The following ADAM11 variants were observed in gnomAD, a reference collection of about 807,000 sequenced individuals.
ADAM11 encodes disintegrin and metalloproteinase domain-containing protein 11.
A neutral mutation model predicts 119.1 loss-of-function variants in ADAM11; 49 were observed. That is an observed-to-expected ratio of 0.41 (90% confidence interval 0.33 to 0.52). ADAM11 has a LOEUF of 0.52. Ranked by LOEUF, ADAM11 falls within the 20% of genes least tolerant of loss-of-function variation. The pLI, the probability that ADAM11 is intolerant of heterozygous loss-of-function variation, is 0.20. For missense variants in ADAM11, 777 were observed against 1,047.5 expected (o/e 0.74, Z 3.56); for synonymous variants, 364 against 408.0 (o/e 0.89, Z 1.30).
rs1295613216 is a variant in ADAM11, at chr17:44,780,935, C to T, written c.*1181C>T. On this transcript the variant is annotated 3_prime_UTR_variant, in exon 27 of 27. Transcript: ENST00000200557. ...CCCACCCATCCCTGCTGCAGCGAGC[C>T]TGAGAGCCAGGTAGAGCCAGGCACA... 6.5e-6 allele frequency: 1 copy of T among 152,768 alleles called. No individual in the cohort carries two copies. The highest frequency in any genetic ancestry group is 1.9e-4 in the East Asian group (1 of 5,182). The allele number at this position is 152,768 out of a possible 1,614,324, so 9.5% of individuals were successfully genotyped here.
chr17:44,763,465 C>G (rs1259643021), intron 2 of ADAM11, among the ~76,000 whole-genome samples: 1 of 152,240 alleles, frequency 6.6e-6, no homozygotes, highest in East Asian at 1.9e-4. Flanking sequence ...ACTCAACCCC[C>G]TCACTTCTGT....
At position 44,776,995 on chromosome 17, in the gene ADAM11, C is replaced by T. The variant is rs1018367242; in HGVS notation, c.1681+33C>T. 2.2e-5 allele frequency: 35 copies of T among 1,600,772 alleles called. No homozygotes were observed. Among genetic ancestry groups the T allele is most frequent in the Admixed American group, 3.4e-5 (2 of 59,500 alleles). The stretch of plus-strand genomic sequence containing the variant: ...TGGCTAGGGCTGGGAGTGGGGACTC[C>T]GGAGGACCCAGAGCTGAGAAGCTGG... On this transcript the variant is annotated intron_variant, in intron 20 of 26. Transcript: ENST00000200557. The surrounding 1 kb of genome is among the most constrained non-coding windows in gnomAD (Gnocchi z 5.2).
chr17:44,776,927 C>T lies in ADAM11; in HGVS notation c.1646C>T (p.Thr549Ile), dbSNP rs2049610607. Residue 549 changes from threonine (T) to isoleucine (I), a missense_variant, in exon 20 of 27, where the codon ACC becomes ATC. Transcript: ENST00000200557. The surrounding 1 kb of genome is among the most constrained non-coding windows in gnomAD (Gnocchi z 5.2). ...QGRCYGGRCK[T>I]RDRQCQVLWG... Reference sequence around the variant, plus strand: ...CGCTGCTACGGAGGTCGCTGCAAAACCCGGGACCGGCAGTGCCAGGTTCTT... The same window carrying T: ...CGCTGCTACGGAGGTCGCTGCAAAATCCGGGACCGGCAGTGCCAGGTTCTT... The T allele has an allele frequency of 6.2e-7, 1 of 1,613,314 alleles. No homozygotes were observed. The highest frequency in any genetic ancestry group is 2.2e-5 in the East Asian group (1 of 44,826).
Position 44,777,304 on chromosome 17 carries a change from G to A in ADAM11, c.1781+39G>A, listed in dbSNP as rs752373579. On this transcript the variant is annotated intron_variant, in intron 21 of 26. Coordinates refer to ENST00000200557, the MANE Select transcript of ADAM11 (RefSeq NM_002390.6). This position sits in a 1 kb window ranked among gnomAD's most constrained non-coding sequence, Gnocchi z 5.1. ...CTCCCAGAGGGCCTCTCAGCTCCAG[G>A]GCAGGTGTGAGACTTTTCAGAGATG... 8.3e-6 allele frequency: 13 copies of A among 1,573,104 alleles called. No individual in the cohort carries two copies. Among genetic ancestry groups the A allele is most frequent in the Admixed American group, 3.5e-5 (2 of 57,166 alleles).
chr17:44,777,842 C>T lies in ADAM11; in HGVS notation c.2049C>T (p.Arg683=), dbSNP rs2049625982. Residue 683 remains arginine (R), a synonymous_variant, in exon 23 of 27, where the codon CGC becomes CGT. Coordinates refer to ENST00000200557, the MANE Select transcript of ADAM11 (RefSeq NM_002390.6). This position sits in a 1 kb window ranked among gnomAD's most constrained non-coding sequence, Gnocchi z 5.1. ...GCACCTGCCCCGGCAGTGGGGAGCG[C>T]CGGATTTGCTCCCACCACGGGGTGA... ...NFSTCPGSGE[R]RICSHHGVCS... 2 of 1,613,654 alleles carry T rather than the reference C, an allele frequency of 1.2e-6. No homozygotes were observed. The highest frequency in any genetic ancestry group is 1.7e-6 in the Non-Finnish European group (2 of 1,180,006).
chr17:44,768,811 G>A (rs2049482807), intron 2 of ADAM11, among the ~76,000 whole-genome samples: 2 of 152,182 alleles, frequency 1.3e-5, no homozygotes, highest in Non-Finnish European at 1.5e-5. Context: ...CATTTGCAGG[G>A]CAGAGTGGGT....
intron 25 of ADAM11, 151 bp downstream of exon 25, chr17:44,778,393 G>GA: frequency 1.2e-6 from 1 of 821,544 alleles, no homozygotes; most frequent in Non-Finnish European, 1.8e-6. Context: ...TTAACATTTA[G>GA]AAACTAGGAG....
Position 44,776,013 on chromosome 17 carries a change from G to A in ADAM11, c.1486-114G>A. 1 of 1,222,718 alleles carries A rather than the reference G, an allele frequency of 8.2e-7. No homozygotes were observed. The highest frequency in any genetic ancestry group is 1.2e-6 in the Non-Finnish European group (1 of 844,630). 75.7% of individuals were successfully genotyped at this position (1,222,718 alleles called of 1,614,324 possible). A position where few individuals can be genotyped will look rare whatever the true frequency, so the allele number is the denominator to read the frequency against. On this transcript the variant is annotated intron_variant, in intron 17 of 26. Transcript: ENST00000200557. This position sits in a 1 kb window ranked among gnomAD's most constrained non-coding sequence, Gnocchi z 5.2. The stretch of plus-strand genomic sequence containing the variant: ...GAAATAAGAACAGGCCTGAAACGGG[G>A]CCCTGGGGAGCTGGAGGGCCCGGGG...
intron 2 of ADAM11, among the ~76,000 whole-genome samples, chr17:44,765,655 G>A (rs1242306718): frequency 2.1e-5 from 2 of 93,226 alleles, no homozygotes; most frequent in African/African-American, 8.9e-5. Context: ...GTGTTTTGCT[G>A]TGTTGCCCAG....
In ADAM11 at chr17:44,776,142, G is replaced by A. The variant is rs1389244363; in HGVS notation, c.1501G>A (p.Val501Met). 1 of 1,613,598 alleles carries A rather than the reference G, an allele frequency of 6.2e-7. No homozygotes were observed. Among genetic ancestry groups the A allele is most frequent in the East Asian group, 2.2e-5 (1 of 44,880 alleles). Reference sequence around the variant, plus strand: ...TCTTCCCTAGTACGAACCACGGGGTGTGTCCTGCCGAGAGGCCGTGAACGA... The same window carrying A: ...TCTTCCCTAGTACGAACCACGGGGTATGTCCTGCCGAGAGGCCGTGAACGA... ...CRRCKYEPRG[V>M]SCREAVNECD... Residue 501 changes from valine to methionine, a missense_variant, in exon 18 of 27, where the codon GTG becomes ATG. Val to Met is a conservative substitution (Grantham distance 21, BLOSUM62 1). This residue lies in a region of ADAM11 where 348 missense variants were observed against 486.7 expected (regional missense o/e 0.72). Coordinates refer to ENST00000200557, the MANE Select transcript of ADAM11 (RefSeq NM_002390.6). This position sits in a 1 kb window ranked among gnomAD's most constrained non-coding sequence, Gnocchi z 5.2.
rs749640825 is a variant in ADAM11 at position 44,777,976 on chromosome 17, A to T, written c.2095A>T (p.Ile699Phe). 6.2e-7 allele frequency: 1 copy of T among 1,614,060 alleles called. No homozygotes were observed. Among genetic ancestry groups the T allele is most frequent in the Admixed American group, 1.7e-5 (1 of 59,994 alleles). The stretch of plus-strand genomic sequence containing the variant: ...GGTCTGCAGCAATGAAGGGAAGTGC[A>T]TCTGTCAGCCAGACTGGACAGGCAA... Reference protein sequence around the residue: ...HGVCSNEGKCICQPDWTGKDC... With the variant: ...HGVCSNEGKCFCQPDWTGKDC... The change falls in exon 24 of 27, where the codon ATC becomes TTC. Residue 699 changes from isoleucine (I) to phenylalanine (F), a missense_variant. Ile to Phe is a conservative substitution (Grantham distance 21, BLOSUM62 0). Transcript: ENST00000200557. The surrounding 1 kb of genome is among the most constrained non-coding windows in gnomAD (Gnocchi z 5.1).
rs538646593 is a variant in ADAM11, at chr17:44,767,882, G to A, written c.238-1836G>A. Among the ~76,000 whole-genome samples the A allele has an allele frequency of 2.6e-3, 398 of 152,324 alleles. 3 individuals carry two copies. Among genetic ancestry groups the A allele is most frequent in the African/African-American group, 9.1e-3 (378 of 41,578 alleles). ...TGCAGAGAGGAAGCAGGCTTGATGG[G>A]GTGGCTCGCAGACCTCCTGAGTGAG... On this transcript the variant is annotated intron_variant, in intron 2 of 26. Coordinates refer to ENST00000200557, the MANE Select transcript of ADAM11 (RefSeq NM_002390.6).
At chr17:44,765,524 A>G (rs1233458149) in intron 2 of ADAM11, among the ~76,000 whole-genome samples, 1 of 146,660 alleles carries the variant, frequency 6.8e-6, no homozygotes, top group African/African-American at 2.5e-5. Context: ...CCTTCTCGTT[A>G]TTATTATTAT....
chr17:44,774,043 A>G (rs962197749), intron 11 of ADAM11, among the ~76,000 whole-genome samples: 3 of 152,184 alleles, frequency 2.0e-5, no homozygotes, highest in African/African-American at 7.2e-5. Flanking sequence ...GTGAGCTGAG[A>G]TGGTGCCACT....
At position 44,775,768 on chromosome 17, in the gene ADAM11, A is replaced by G. The variant is rs1053173157; in HGVS notation, c.1485+92A>G. The G allele has an allele frequency of 3.7e-6, 5 of 1,348,580 alleles. No individual in the cohort carries two copies. In the East Asian group the frequency reaches 1.0e-4, roughly 27 times the overall value. 83.5% of individuals were successfully genotyped at this position (1,348,580 alleles called of 1,614,324 possible). A position where few individuals can be genotyped will look rare whatever the true frequency, so the allele number is the denominator to read the frequency against. On this transcript the variant is annotated intron_variant, in intron 17 of 26. Coordinates refer to ENST00000200557, the MANE Select transcript of ADAM11 (RefSeq NM_002390.6). This position sits in a 1 kb window ranked among gnomAD's most constrained non-coding sequence, Gnocchi z 7.5. ...GGGTGGGAGCTAGGGAGGGAAGCGGAGCCTTCGGGGACGAAGGCCTCTGGG... is the reference window on the plus strand; with the variant it reads ...GGGTGGGAGCTAGGGAGGGAAGCGGGGCCTTCGGGGACGAAGGCCTCTGGG...
At chr17:44,778,713 A>G (rs11079349) in intron 25 of ADAM11, among the ~76,000 whole-genome samples, 4,102 of 80,108 alleles carry the variant, frequency 0.051, 394 homozygotes, top group African/African-American at 0.16. Flanking sequence ...AAAAAAAAAA[A>G]GAAAGAAAGA....
Position 44,759,732 on chromosome 17 carries a change from C to G in ADAM11, c.72C>G (p.Thr24=). The G allele has an allele frequency of 7.6e-7, 1 of 1,324,386 alleles. No homozygotes were observed. The highest frequency in any genetic ancestry group is 9.7e-7 in the Non-Finnish European group (1 of 1,029,454). 82.0% of individuals were successfully genotyped at this position (1,324,386 alleles called of 1,614,324 possible). The part of the protein sequence containing the change: ...LSLLPTPGLG[T]QGPAGALRWG... The stretch of plus-strand genomic sequence containing the variant: ...GCCTTGTTTCCCCAGGTCTTGGGAC[C>G]CAAGGTCCTGCTGGAGCTCTGCGAT... Residue 24 remains threonine (T), a synonymous_variant, in exon 2 of 27, where the codon ACC becomes ACG. Transcript: ENST00000200557.
In ADAM11 at chr17:44,774,259, G is replaced by A. The variant is rs769295134; in HGVS notation, c.993-36G>A. ...CACCACCCGGGGAGCCACAGGGGAG[G>A]GCAGGAGGCCATCCTGACAGCGCAC... is the stretch of plus-strand genomic sequence containing the variant. On this transcript the variant is annotated intron_variant, in intron 11 of 26. Coordinates refer to ENST00000200557, the MANE Select transcript of ADAM11 (RefSeq NM_002390.6). 1.0e-5 allele frequency: 14 copies of A among 1,391,650 alleles called. No individual in the cohort carries two copies. The African/African-American group carries it at 1.9e-4, about 19-fold the overall frequency. 86.2% of individuals were successfully genotyped at this position (1,391,650 alleles called of 1,614,324 possible).
chr17:44,779,359 C>G, intron 26 of ADAM11, 120 bp downstream of exon 26: 1 of 1,466,918 alleles, frequency 6.8e-7, no homozygotes, highest in Non-Finnish European at 9.0e-7. Flanking sequence ...GGGGCTGATT[C>G]CCCCACCCCT....
Sources: allele counts gnomAD v4.1 joint callset (sites outside exome capture counted in the v4.1 genomes callset), GRCh38; gene constraint gnomAD v4.1.1; regional missense constraint gnomAD v4.1.1; non-coding constraint Gnocchi (gnomAD v3.1); transcripts MANE v1.5; gene names NCBI Gene and HGNC (gene_info 2026-07-23, HGNC 2026-07-21).